DCPS: variants seen among roughly 807,000 people sequenced by gnomAD.
The protein encoded by DCPS is m7GpppX diphosphatase.
DCPS carries 27 observed loss-of-function variants against 34.7 expected under a neutral mutation model. The observed-to-expected ratio is 0.78, with a 90% CI of 0.57 to 1.07. The LOEUF is 1.07. DCPS is among the 50% of genes least tolerant of loss of function. DCPS has a pLI of 0.00. For synonymous variants in DCPS, 185 were observed against 185.7 expected (o/e 1.00, Z 0.03); for missense variants, 464 against 436.9 (o/e 1.06, Z -0.55).
rs658614 is a variant in DCPS, at chr11:126,328,096, C to T, written c.377-3309C>T. Among the ~76,000 whole-genome samples the T allele has an allele frequency of 0.24, 36,823 of 151,992 alleles. 4,463 individuals carry two copies. Among genetic ancestry groups the T allele is most frequent in the Admixed American group, 0.26 (4,000 of 15,278 alleles). ...CTCGGCCGTGGGAGCGGCCAGGGCACGGCCTGGAGAGGAGCCCATGGCTGA... is the reference window on the plus strand; with the variant it reads ...CTCGGCCGTGGGAGCGGCCAGGGCATGGCCTGGAGAGGAGCCCATGGCTGA... On this transcript the variant is annotated intron_variant, in intron 2 of 5. Coordinates refer to ENST00000263579, the MANE Select transcript of DCPS (RefSeq NM_014026.6). This position sits in a 1 kb window ranked among gnomAD's most constrained non-coding sequence, Gnocchi z 6.6.
At position 126,338,127 on chromosome 11, in the gene DCPS, G is replaced by C; in HGVS notation, c.523-159G>C. On this transcript the variant is annotated intron_variant, in intron 3 of 5. Coordinates refer to ENST00000263579, the MANE Select transcript of DCPS (RefSeq NM_014026.6). This position sits in a 1 kb window ranked among gnomAD's most constrained non-coding sequence, Gnocchi z 5.4. Reference sequence around the variant, plus strand: ...TGGACCCCTAAGAACAGATGCTTGGGGACAGGGCAGCCCGGATGTAGATCC... The same window carrying C: ...TGGACCCCTAAGAACAGATGCTTGGCGACAGGGCAGCCCGGATGTAGATCC... 1 of 654,624 alleles carries C rather than the reference G, an allele frequency of 1.5e-6. No homozygotes were observed. The highest frequency in any genetic ancestry group is 2.7e-6 in the Non-Finnish European group (1 of 366,406). The allele number at this position is 654,624 out of a possible 1,614,324, so 40.6% of individuals were successfully genotyped here.
chr11:126,338,151 C>T lies in DCPS; in HGVS notation c.523-135C>T, dbSNP rs1456188915. 17 of 740,088 alleles carry T rather than the reference C, an allele frequency of 2.3e-5. No individual in the cohort carries two copies. The highest frequency in any genetic ancestry group is 1.2e-5 in the Non-Finnish European group (5 of 429,326). The allele number at this position is 740,088 out of a possible 1,614,324, so 45.8% of individuals were successfully genotyped here. A position where few individuals can be genotyped will look rare whatever the true frequency, so the allele number is the denominator to read the frequency against. On this transcript the variant is annotated intron_variant, in intron 3 of 5. Coordinates refer to ENST00000263579, the MANE Select transcript of DCPS (RefSeq NM_014026.6). This position sits in a 1 kb window ranked among gnomAD's most constrained non-coding sequence, Gnocchi z 5.4. The stretch of plus-strand genomic sequence containing the variant: ...GGGACAGGGCAGCCCGGATGTAGAT[C>T]CTCTGAGCGTGGCGGCCTTTTATGG...
chr11:126,306,655 A>G lies in DCPS; in HGVS notation c.287A>G (p.Gln96Arg). The change falls in exon 2 of 6, where the codon CAG becomes CGG. Residue 96 changes from glutamine (Q) to arginine (R), a missense_variant. By Grantham distance (43) the Gln-to-Arg change is conservative (BLOSUM62 1). Transcript: ENST00000263579. ...KTPFQVEQVA[Q>R]LLTGSPELQL... ...CCATTTCAGGTGGAACAGGTGGCTC[A>G]GCTCCTGACGGGCAGCCCTGAGCTC... 1 of 1,614,000 alleles carries G rather than the reference A, an allele frequency of 6.2e-7. No homozygotes were observed. Among genetic ancestry groups the G allele is most frequent in the Non-Finnish European group, 8.5e-7 (1 of 1,179,920 alleles).
chr11:126,305,533 G>A (rs1951556997), intron 1 of DCPS, among the ~76,000 whole-genome samples: 2 of 141,222 alleles, frequency 1.4e-5, no homozygotes, highest in African/African-American at 5.3e-5. Context: ...TGATTCTCCT[G>A]CCTCAGCCTC....
At position 126,304,317 on chromosome 11, in the gene DCPS, G is replaced by A. The variant is rs757723602; in HGVS notation, c.201+36G>A. On this transcript the variant is annotated intron_variant, in intron 1 of 5. Transcript: ENST00000263579. ...GCAACCCTGAGGTGGGATGCGGGAA[G>A]CAGTGAACCAATCATCGCCTCGGAG... is the stretch of plus-strand genomic sequence containing the variant. The A allele has an allele frequency of 3.1e-6, 5 of 1,607,118 alleles. No homozygotes were observed. The African/African-American group carries it at 6.7e-5, about 22-fold the overall frequency.
In DCPS at chr11:126,319,790, A is replaced by G. The variant is rs1951690296; in HGVS notation, c.377-11615A>G. ...GGTTGGGCCTTTGGGATACGGGAGTATTGCATAGAGGAACCAGACTGCCTG... is the reference window on the plus strand; with the variant it reads ...GGTTGGGCCTTTGGGATACGGGAGTGTTGCATAGAGGAACCAGACTGCCTG... On this transcript the variant is annotated intron_variant, in intron 2 of 5. Transcript: ENST00000263579. The surrounding 1 kb of genome is among the most constrained non-coding windows in gnomAD (Gnocchi z 4.5). 6.6e-6 allele frequency among the ~76,000 whole-genome samples: 1 copy of G among 152,146 alleles called. No homozygotes were observed. Among genetic ancestry groups the G allele is most frequent in the Non-Finnish European group, 1.5e-5 (1 of 68,032 alleles).
rs1381431672 is a variant in DCPS at position 126,347,582 on chromosome 11, T to C, written c.*1969T>C. On this transcript the variant is annotated 3_prime_UTR_variant, in exon 6 of 6. Coordinates refer to ENST00000263579, the MANE Select transcript of DCPS (RefSeq NM_014026.6). This position sits in a 1 kb window ranked among gnomAD's most constrained non-coding sequence, Gnocchi z 4.2. ...AACATGGAGTTGCAGCCAAGGAACT[T>C]TGAGGTAGTGACCAATGCAGGGAGG... Among the ~76,000 whole-genome samples the C allele has an allele frequency of 2.0e-5, 3 of 152,120 alleles. No individual in the cohort carries two copies. In the East Asian group the frequency reaches 5.8e-4, roughly 29 times the overall value.
At chr11:126,308,572 G>C (rs1951592043) in intron 2 of DCPS, among the ~76,000 whole-genome samples, 1 of 152,216 alleles carries the variant, frequency 6.6e-6, no homozygotes, top group Admixed American at 6.5e-5. Flanking sequence ...AGGCAGTGAC[G>C]TTTAAGCAAA....
rs1272835983 is a variant in DCPS, at chr11:126,329,238, C to T, written c.377-2167C>T. ...CAAGAAAGAGTCTTTTGCTGCTCCT[C>T]AGAGAGTTGTGAGGAGGCCTTCATG... On this transcript the variant is annotated intron_variant, in intron 2 of 5. Transcript: ENST00000263579. The surrounding 1 kb of genome is among the most constrained non-coding windows in gnomAD (Gnocchi z 5.0). Among the ~76,000 whole-genome samples, 1 of 152,208 alleles carries T rather than the reference C, an allele frequency of 6.6e-6. No individual in the cohort carries two copies. Among genetic ancestry groups the T allele is most frequent in the African/African-American group, 2.4e-5 (1 of 41,446 alleles).
At chr11:126,326,847 C>T (rs974617840) in intron 2 of DCPS, among the ~76,000 whole-genome samples, 8 of 151,498 alleles carry the variant, frequency 5.3e-5, no homozygotes, top group Non-Finnish European at 7.4e-5. Context: ...GGCGTGAGCC[C>T]GGGAGGCGGA....
rs1951635206 is a variant in DCPS, at chr11:126,313,658, G to T, written c.376+6914G>T. Among the ~76,000 whole-genome samples, 1 of 152,172 alleles carries T rather than the reference G, an allele frequency of 6.6e-6. No individual in the cohort carries two copies. Among genetic ancestry groups the T allele is most frequent in the South Asian group, 2.1e-4 (1 of 4,834 alleles). On this transcript the variant is annotated intron_variant, in intron 2 of 5. Coordinates refer to ENST00000263579, the MANE Select transcript of DCPS (RefSeq NM_014026.6). The surrounding 1 kb of genome is among the most constrained non-coding windows in gnomAD (Gnocchi z 4.9). ...ATACTGCCTAGGGATGCATACATGT[G>T]TAATAAGACTATGAGGACAAAAAGG... is the stretch of plus-strand genomic sequence containing the variant.
chr11:126,322,627 T>C lies in DCPS; in HGVS notation c.377-8778T>C, dbSNP rs1951716444. 6.6e-6 allele frequency among the ~76,000 whole-genome samples: 1 copy of C among 151,114 alleles called. No individual in the cohort carries two copies. The highest frequency in any genetic ancestry group is 1.5e-5 in the Non-Finnish European group (1 of 67,824). ...TTTTTTTTTTGAGACGAAGTCTCAC[T>C]GCGTTGCCAGGCTGGAGTGCAGTGG... On this transcript the variant is annotated intron_variant, in intron 2 of 5. Transcript: ENST00000263579. This position sits in a 1 kb window ranked among gnomAD's most constrained non-coding sequence, Gnocchi z 4.2.
Position 126,320,854 on chromosome 11 carries a change from A to G in DCPS, c.377-10551A>G, listed in dbSNP as rs1951700148. On this transcript the variant is annotated intron_variant, in intron 2 of 5. Coordinates refer to ENST00000263579, the MANE Select transcript of DCPS (RefSeq NM_014026.6). This position sits in a 1 kb window ranked among gnomAD's most constrained non-coding sequence, Gnocchi z 4.7. ...GGGAGGAGCAGTAACTGGATCTGAG[A>G]GATGACACCTTGGCCAGCAGTCCCT... Among the ~76,000 whole-genome samples, 1 of 152,170 alleles carries G rather than the reference A, an allele frequency of 6.6e-6. No homozygotes were observed. Among genetic ancestry groups the G allele is most frequent in the Non-Finnish European group, 1.5e-5 (1 of 68,030 alleles).
chr11:126,314,180 A>G (rs1306240035), intron 2 of DCPS, among the ~76,000 whole-genome samples: 2 of 152,208 alleles, frequency 1.3e-5, no homozygotes, highest in Admixed American at 1.3e-4. Context: ...TCCCACGTAT[A>G]AGTAAGAACA....
rs1392382845 is a variant in DCPS, at chr11:126,327,411, A to G, written c.377-3994A>G. ...CCCAGCAGGGGTGACGGTGACGCCC[A>G]TGGCCTGGCCGAGGTGGTAGCCTTT... On this transcript the variant is annotated intron_variant, in intron 2 of 5. Coordinates refer to ENST00000263579, the MANE Select transcript of DCPS (RefSeq NM_014026.6). This position sits in a 1 kb window ranked among gnomAD's most constrained non-coding sequence, Gnocchi z 4.1. 6.6e-6 allele frequency among the ~76,000 whole-genome samples: 1 copy of G among 152,214 alleles called. No homozygotes were observed. The highest frequency in any genetic ancestry group is 2.4e-5 in the African/African-American group (1 of 41,454).
rs1372075982 is a variant in DCPS at position 126,304,241 on chromosome 11, G to T, written c.161G>T (p.Arg54Met). 1 of 1,614,250 alleles carries T rather than the reference G, an allele frequency of 6.2e-7. No individual in the cohort carries two copies. Among genetic ancestry groups the T allele is most frequent in the East Asian group, 2.2e-5 (1 of 44,884 alleles). ...FSGFRLQKVL[R>M]ESARDKIIFL... ...GGCTTCAGACTGCAGAAGGTGCTGA[G>T]GGAGTCTGCGCGGGACAAAATCATT... Residue 54 changes from arginine (R) to methionine (M), a missense_variant, in exon 1 of 6, where the codon AGG becomes ATG. Transcript: ENST00000263579.
intron 2 of DCPS, among the ~76,000 whole-genome samples, chr11:126,317,919 C>T (rs1011618178): frequency 1.3e-5 from 2 of 152,154 alleles, no homozygotes; most frequent in East Asian, 1.9e-4. Flanking sequence ...ATCCTGAAGT[C>T]GCGTTTCCCA....
intron 2 of DCPS, among the ~76,000 whole-genome samples, chr11:126,311,403 A>G (rs755287815): frequency 9.9e-5 from 15 of 152,248 alleles, no homozygotes; most frequent in Non-Finnish European, 1.6e-4. Flanking sequence ...TAGTAGAAGC[A>G]AGGTCTGTGT....
rs988845673 is a variant in DCPS at position 126,347,349 on chromosome 11, G to A, written c.*1736G>A. Among the ~76,000 whole-genome samples, 6 of 151,410 alleles carry A rather than the reference G, an allele frequency of 4.0e-5. No individual in the cohort carries two copies. The highest frequency in any genetic ancestry group is 1.5e-4 in the African/African-American group (6 of 41,194). ...AGTGATTCTCCTGCCTCAGCCTCCT[G>A]AGTAGCTGGGACTACAGGGGTGCGC... On this transcript the variant is annotated 3_prime_UTR_variant, in exon 6 of 6. Coordinates refer to ENST00000263579, the MANE Select transcript of DCPS (RefSeq NM_014026.6). The surrounding 1 kb of genome is among the most constrained non-coding windows in gnomAD (Gnocchi z 4.2).
Sources: allele counts gnomAD v4.1 joint callset (sites outside exome capture counted in the v4.1 genomes callset), GRCh38; gene constraint gnomAD v4.1.1; non-coding constraint Gnocchi (gnomAD v3.1); transcripts MANE v1.5; gene names NCBI Gene and HGNC (gene_info 2026-07-23, HGNC 2026-07-21).